The following TRIM6 variants were observed in gnomAD, a reference collection of about 807,000 sequenced individuals.
TRIM6 encodes tripartite motif-containing protein 6.
In TRIM6, 43 loss-of-function variants were observed where a neutral mutation model predicts 51.2. The ratio of observed to expected loss-of-function variants is 0.84; its 90% CI spans 0.66 to 1.08. The LOEUF (loss-of-function observed/expected upper bound fraction) is 1.08, where lower values mean the gene tolerates loss of function less well. Among genes scored for constraint, TRIM6 ranks in the 50% least tolerant of loss-of-function variants. The pLI is 0.00. For missense variants in TRIM6, 669 were observed against 619.0 expected (o/e 1.08, Z -0.86); for synonymous variants, 215 against 232.4 (o/e 0.93, Z 0.68).
At chr11:5,596,996 C>G in intron 1 of TRIM6, 82 bp downstream of exon 1, 1 of 1,606,214 alleles carries the variant, frequency 6.2e-7, no homozygotes, top group Non-Finnish European at 8.5e-7. Flanking sequence ...AAGGTCCTTT[C>G]CCTTTCGGAA....
chr11:5,603,644 A>T lies in TRIM6; in HGVS notation c.416A>T (p.Asp139Val). The T allele has an allele frequency of 6.2e-7, 1 of 1,613,172 alleles. No individual in the cohort carries two copies. Among genetic ancestry groups the T allele is most frequent in the Non-Finnish European group, 8.5e-7 (1 of 1,179,880 alleles). ...GEKLQLFCQE[D>V]GKVICWLCER... ...AAACTGCAGCTCTTCTGTCAGGAGG[A>T]TGGGAAGGTCATTTGCTGGCTTTGT... is the stretch of plus-strand genomic sequence containing the variant. The change falls in exon 2 of 8, where the codon GAT (aspartate) becomes GTT (valine). Residue 139 changes from aspartate to valine, a missense_variant. Coordinates refer to ENST00000380097, the MANE Select transcript of TRIM6 (RefSeq NM_001003818.3).
At chr11:5,609,063 T>C (rs1848404449) in intron 5 of TRIM6, among the ~76,000 whole-genome samples, 1 of 152,058 alleles carries the variant, frequency 6.6e-6, no homozygotes, top group South Asian at 2.1e-4. Context: ...AGATTTTCTT[T>C]TGTCTCAATT....
chr11:5,609,697 C>A (rs1013791433), intron 5 of TRIM6, among the ~76,000 whole-genome samples: 2 of 152,126 alleles, frequency 1.3e-5, no homozygotes, highest in African/African-American at 4.8e-5. Context: ...CTGAGGAGGG[C>A]AGATCACGAG....
Position 5,596,674 on chromosome 11 carries a change from A to T in TRIM6, c.-224A>T, listed in dbSNP as rs1590069924. 1 of 629,144 alleles carries T rather than the reference A, an allele frequency of 1.6e-6. No individual in the cohort carries two copies. Among genetic ancestry groups the T allele is most frequent in the East Asian group, 3.0e-5 (1 of 33,064 alleles). 39.0% of individuals were successfully genotyped at this position (629,144 alleles called of 1,614,324 possible). A position where few individuals can be genotyped will look rare whatever the true frequency, so the allele number is the denominator to read the frequency against. ...GAGATGAGCCTTCCGCAAACTCCTG[A>T]CCTGTGGGTCCGTCCGTTCAACGGC... is the stretch of plus-strand genomic sequence containing the variant. On this transcript the variant is annotated 5_prime_UTR_variant, in exon 1 of 8. Transcript: ENST00000380097.
intron 3 of TRIM6, chr11:5,604,898 A>G (rs1390490598): frequency 6.6e-6 from 3 of 454,988 alleles, no homozygotes; most frequent in Admixed American, 7.9e-5. Flanking sequence ...GTCTTGCTCT[A>G]CAGTTTCAGT....
At chr11:5,605,250 A>C in intron 3 of TRIM6, 87 bp from the exon 4 acceptor site, 1 of 1,570,516 alleles carries the variant, frequency 6.4e-7, no homozygotes, top group Non-Finnish European at 8.7e-7. Flanking sequence ...CCAGGAAAGC[A>C]GTCCTGAGCC....
At position 5,603,744 on chromosome 11, in the gene TRIM6, C is replaced by T. The variant is rs754526280; in HGVS notation, c.507+9C>T. 1.2e-6 allele frequency: 2 copies of T among 1,611,686 alleles called. No individual in the cohort carries two copies. Among genetic ancestry groups the T allele is most frequent in the Admixed American group, 3.3e-5 (2 of 59,890 alleles). ...TTGCCCAGGAGTACCAGGTGAGACC[C>T]CAGGATGGAATGGGAGACAGAGAAA... On this transcript the variant is annotated intron_variant, in intron 2 of 7. Transcript: ENST00000380097.
Position 5,610,757 on chromosome 11 carries a change from T to C in TRIM6, c.986-20T>C, listed in dbSNP as rs557944779. On this transcript the variant is annotated intron_variant, in intron 7 of 7. Coordinates refer to ENST00000380097, the MANE Select transcript of TRIM6 (RefSeq NM_001003818.3). ...CCATGTCCCCGTTCTCATCTGCTGA[T>C]GTTGTACCTTTTCCTACAGTTGACG... The C allele has an allele frequency of 2.5e-6, 4 of 1,612,146 alleles. No individual in the cohort carries two copies. Among genetic ancestry groups the C allele is most frequent in the Non-Finnish European group, 3.4e-6 (4 of 1,178,784 alleles).
chr11:5,608,847 A>ATTTTTTTTTTTTTT lies in TRIM6; in HGVS notation c.857+461_857+474dup, dbSNP rs370630648. On this transcript the variant is annotated intron_variant, in intron 5 of 7. Transcript: ENST00000380097. ...ACACAGGAATTTTCTTTGCCCATAA[A>ATTTTTTTTTTTTTT]TTTTTTTTTTTTTTTTTTTTTGAGA... is the stretch of plus-strand genomic sequence containing the variant. Among the ~76,000 whole-genome samples the ATTTTTTTTTTTTTT allele has an allele frequency of 8.8e-5, 9 of 101,900 alleles. 1 individual carries two copies. Among genetic ancestry groups the ATTTTTTTTTTTTTT allele is most frequent in the East Asian group, 3.3e-4 (1 of 3,008 alleles). 66.9% of individuals were successfully genotyped at this position (101,900 alleles called of 152,430 possible).
chr11:5,604,858 G>T, intron 3 of TRIM6: 1 of 490,590 alleles, frequency 2.0e-6, no homozygotes, highest in Non-Finnish European at 3.6e-6. Context: ...AGGAACCATG[G>T]CTAGGGGTCG....
rs192827622 is a variant in TRIM6, at chr11:5,604,569, C to T, written c.543C>T (p.Asn181=). 23 of 1,612,716 alleles carry T rather than the reference C, an allele frequency of 1.4e-5. No homozygotes were observed. Among genetic ancestry groups the T allele is most frequent in the South Asian group, 5.5e-5 (5 of 90,656 alleles). ...AGGAGTCTCTAAAGAAGCTGAAGAA[C>T]GAGGAGCAGGAAGCTGAGAAGCTAA... ...KFQESLKKLK[N]EEQEAEKLTA... The change falls in exon 3 of 8, where the codon AAC becomes AAT. Residue 181 remains asparagine (N), a synonymous_variant. Transcript: ENST00000380097.
chr11:5,598,265 G>T (rs1435749081), intron 1 of TRIM6, among the ~76,000 whole-genome samples: 1 of 152,184 alleles, frequency 6.6e-6, no homozygotes, highest in Non-Finnish European at 1.5e-5. Flanking sequence ...GCTTGCTGGT[G>T]TGTGGGCAAG....
At chr11:5,607,194 A>T (rs1003229189) in intron 4 of TRIM6, among the ~76,000 whole-genome samples, 1 of 151,582 alleles carries the variant, frequency 6.6e-6, no homozygotes, top group African/African-American at 2.4e-5. Context: ...ACAGAGCAAG[A>T]CTCCATCTCA....
chr11:5,611,099 T>A lies in TRIM6; in HGVS notation c.1308T>A (p.His436Gln). 8 of 1,614,200 alleles carry A rather than the reference T, an allele frequency of 5.0e-6. No individual in the cohort carries two copies. The highest frequency in any genetic ancestry group is 6.8e-6 in the Non-Finnish European group (8 of 1,180,040). ...QSGYWVIGLQ[H>Q]NHEYRAYEDS... ...GATACTGGGTGATTGGGTTACAGCA[T>A]AACCATGAATATAGGGCCTATGAGG... Residue 436 changes from histidine (H) to glutamine (Q), a missense_variant, in exon 8 of 8, where the codon CAT (histidine) becomes CAA (glutamine). By Grantham distance (24) the His-to-Gln change is conservative. Coordinates refer to ENST00000380097, the MANE Select transcript of TRIM6 (RefSeq NM_001003818.3).
chr11:5,612,609 C>G lies in TRIM6; in HGVS notation c.*1267C>G, dbSNP rs1424993109. ...CACTCTCTTTATGCGCAGGAACAAA[C>G]AGCTGTTGAGTGAGCTGCTATGACT... On this transcript the variant is annotated 3_prime_UTR_variant, in exon 8 of 8. Coordinates refer to ENST00000380097, the MANE Select transcript of TRIM6 (RefSeq NM_001003818.3). 6.6e-6 allele frequency: 1 copy of G among 152,200 alleles called. No homozygotes were observed. Among genetic ancestry groups the G allele is most frequent in the Admixed American group, 6.5e-5 (1 of 15,284 alleles). 9.4% of individuals were successfully genotyped at this position (152,200 alleles called of 1,614,324 possible).
At chr11:5,607,833 T>C (rs1349870590) in intron 4 of TRIM6, among the ~76,000 whole-genome samples, 2 of 152,282 alleles carry the variant, frequency 1.3e-5, no homozygotes, top group South Asian at 2.1e-4. Flanking sequence ...CTGGTGTATA[T>C]ATTAATCAAA....
At chr11:5,608,196 G>A (rs1564869319) in intron 4 of TRIM6, among the ~76,000 whole-genome samples, 176 bp from the exon 5 acceptor site, 1 of 152,180 alleles carries the variant, frequency 6.6e-6, no homozygotes, top group Non-Finnish European at 1.5e-5. Flanking sequence ...ATTTTTTGAT[G>A]TCTTCACATG....
chr11:5,597,700 A>T (rs1847559484), intron 1 of TRIM6, among the ~76,000 whole-genome samples: 1 of 152,176 alleles, frequency 6.6e-6, no homozygotes, highest in Non-Finnish European at 1.5e-5. Context: ...CAGCCCCAGT[A>T]TCCCCTGCTG....
In TRIM6 at chr11:5,603,681, G is replaced by A; in HGVS notation, c.453G>A (p.Gln151=). The A allele has an allele frequency of 3.7e-6, 6 of 1,613,414 alleles. No individual in the cohort carries two copies. The highest frequency in any genetic ancestry group is 5.1e-6 in the Non-Finnish European group (6 of 1,179,950). Residue 151 remains glutamine (Q), a synonymous_variant, in exon 2 of 8, where the codon CAG becomes CAA. Transcript: ENST00000380097. ...KVICWLCERS[Q]EHRGHHTFLV... is the part of the protein sequence containing the mutation. ...TTTGCTGGCTTTGTGAGCGGTCTCA[G>A]GAGCACCGTGGTCACCACACGTTCC...
Sources: allele counts gnomAD v4.1 joint callset (sites outside exome capture counted in the v4.1 genomes callset), GRCh38; gene constraint gnomAD v4.1.1; transcripts MANE v1.5; gene names NCBI Gene and HGNC (gene_info 2026-07-23, HGNC 2026-07-21).